TSPAN18: variants seen among roughly 807,000 people sequenced by gnomAD.
TSPAN18 encodes the protein tetraspanin 18.
In TSPAN18, 14 loss-of-function variants were observed where a neutral mutation model predicts 27.3. That is an observed-to-expected ratio of 0.51 (90% confidence interval 0.34 to 0.80). The LOEUF is 0.80. TSPAN18 is among the 30% of genes least tolerant of loss of function. The probability of loss-of-function intolerance (pLI) is 0.01; values close to 1 mark genes in which losing one functional copy is unlikely to be tolerated. For missense variants in TSPAN18, 268 were observed against 323.9 expected, an observed-to-expected ratio of 0.83 and a Z score of 1.32; for synonymous variants, 143 against 136.5, an observed-to-expected ratio of 1.05 and a Z score of -0.33.
rs1411468864 is a variant in TSPAN18, at chr11:44,909,392, C to T, written c.64-313C>T. On this transcript the variant is annotated intron_variant, in intron 4 of 9. Coordinates refer to ENST00000520358, the MANE Select transcript of TSPAN18 (RefSeq NM_130783.5). ...TGGACTAGATGACCTCCTAATCCTA[C>T]AGGTCTGACATTTCAAGAGAAGATA... 4 of 296,390 alleles carry T rather than the reference C, an allele frequency of 1.3e-5. No homozygotes were observed. In the East Asian group the frequency reaches 1.9e-4, roughly 14 times the overall value. 18.4% of individuals were successfully genotyped at this position (296,390 alleles called of 1,614,324 possible).
At chr11:44,763,475 C>CT (rs1003644204) in intron 1 of TSPAN18, among the ~76,000 whole-genome samples, 37 of 152,248 alleles carry the variant, frequency 2.4e-4, no homozygotes, top group South Asian at 8.3e-4. Flanking sequence ...GAACTGAATT[C>CT]TTTTTTTACC....
At chr11:44,861,989 T>C (rs1857903784) in intron 3 of TSPAN18, among the ~76,000 whole-genome samples, 3 of 152,130 alleles carry the variant, frequency 2.0e-5, no homozygotes, top group Admixed American at 6.5e-5. Flanking sequence ...AGACCTCCAC[T>C]CGCCGGGAAG....
At chr11:44,847,850 T>C (rs1481705157) in intron 2 of TSPAN18, among the ~76,000 whole-genome samples, 26 of 151,952 alleles carry the variant, frequency 1.7e-4, no homozygotes, top group Admixed American at 1.2e-3. Context: ...TTTTTTTTTT[T>C]CCCAATGGAG....
Position 44,909,526 on chromosome 11 carries a change from A to G in TSPAN18, c.64-179A>G, listed in dbSNP as rs1259520792. ...AAGGTCACGGCAGCTAGAAAAATTA[A>G]AAGCAATTCAAGGTGCGGCTGGGAC... On this transcript the variant is annotated intron_variant, in intron 4 of 9. Coordinates refer to ENST00000520358, the MANE Select transcript of TSPAN18 (RefSeq NM_130783.5). 20 of 592,616 alleles carry G rather than the reference A, an allele frequency of 3.4e-5. No individual in the cohort carries two copies. The East Asian group carries it at 5.5e-4, about 16-fold the overall frequency. The allele number at this position is 592,616 out of a possible 1,614,324, so 36.7% of individuals were successfully genotyped here.
At chr11:44,831,914 T>C (rs761141747) in intron 2 of TSPAN18, among the ~76,000 whole-genome samples, 1 of 152,080 alleles carries the variant, frequency 6.6e-6, no homozygotes, top group Non-Finnish European at 1.5e-5. Context: ...GGAGCTGAGC[T>C]AAGATCCAGG....
At chr11:44,788,456 C>CTTTTTTTTTTTTT (rs11458938) in intron 2 of TSPAN18, among the ~76,000 whole-genome samples, 7 of 126,780 alleles carry the variant, frequency 5.5e-5, no homozygotes, top group African/African-American at 2.1e-4. Flanking sequence ...CTTTTTTTCT[C>CTTTTTTTTTTTTT]TTTTTTTTTT....
At chr11:44,876,510 T>C (rs1181000256) in intron 3 of TSPAN18, among the ~76,000 whole-genome samples, 5 of 152,242 alleles carry the variant, frequency 3.3e-5, no homozygotes, top group South Asian at 2.1e-4. Flanking sequence ...AGGGAAGGCT[T>C]CATGGCTGAG....
chr11:44,917,945 C>T, intron 5 of TSPAN18, 27 bp from the exon 6 acceptor site: 1 of 1,613,296 alleles, frequency 6.2e-7, no homozygotes, highest in Non-Finnish European at 8.5e-7. Flanking sequence ...GCCCTCTGGG[C>T]TCACAAGGCT....
At chr11:44,863,511 G>T (rs1857951418) in intron 3 of TSPAN18, among the ~76,000 whole-genome samples, 1 of 152,212 alleles carries the variant, frequency 6.6e-6, no homozygotes. Flanking sequence ...GCTGCACAAA[G>T]ACCAAGAGTT....
intron 4 of TSPAN18, among the ~76,000 whole-genome samples, chr11:44,908,678 G>A (rs952667043): frequency 2.6e-5 from 4 of 151,160 alleles, no homozygotes; most frequent in African/African-American, 9.8e-5. Flanking sequence ...AGGCTGCAGT[G>A]AGATGTGATC....
intron 2 of TSPAN18, among the ~76,000 whole-genome samples, chr11:44,821,494 G>C (rs1218912666): frequency 2.6e-5 from 4 of 152,124 alleles, no homozygotes; most frequent in Admixed American, 6.5e-5. Context: ...TTAGTTAAGT[G>C]CATATTAAGG....
At chr11:44,767,217 A>G (rs1414434092) in intron 2 of TSPAN18, among the ~76,000 whole-genome samples, 1 of 152,204 alleles carries the variant, frequency 6.6e-6, no homozygotes, top group African/African-American at 2.4e-5. Flanking sequence ...TGAGCAGTTC[A>G]TCCCAAGCCT....
intron 5 of TSPAN18, among the ~76,000 whole-genome samples, chr11:44,912,885 TG>T (rs1410248627): frequency 6.7e-5 from 2 of 29,788 alleles, no homozygotes; most frequent in Non-Finnish European, 1.2e-4. Context: ...CACATGTGCC[TG>T]TGTGTGCACA....
chr11:44,792,793 C>T lies in TSPAN18; in HGVS notation c.-153+28281C>T, dbSNP rs182778102. 2.1e-3 allele frequency among the ~76,000 whole-genome samples: 315 copies of T among 152,290 alleles called. 1 individual carries two copies. Among genetic ancestry groups the T allele is most frequent in the African/African-American group, 7.4e-3 (307 of 41,548 alleles). ...GGAAGGATGTACTGAACAGAGTGGA[C>T]AAACAGTACCTGCCAAGGCCAAGAG... On this transcript the variant is annotated intron_variant, in intron 2 of 9. Coordinates refer to ENST00000520358, the MANE Select transcript of TSPAN18 (RefSeq NM_130783.5).
chr11:44,796,518 G>A (rs1338304083), intron 2 of TSPAN18, among the ~76,000 whole-genome samples: 2 of 152,118 alleles, frequency 1.3e-5, no homozygotes, highest in Non-Finnish European at 2.9e-5. Flanking sequence ...TTCCAGCTGG[G>A]TTTCTTCTCC....
intron 2 of TSPAN18, among the ~76,000 whole-genome samples, chr11:44,795,477 C>T (rs1478471402): frequency 6.6e-6 from 1 of 152,086 alleles, no homozygotes; most frequent in Non-Finnish European, 1.5e-5. Context: ...TACCTCCACT[C>T]ATCCAAGCAG....
intron 2 of TSPAN18, among the ~76,000 whole-genome samples, chr11:44,791,694 G>T (rs1412091926): frequency 6.6e-6 from 1 of 152,200 alleles, no homozygotes; most frequent in Admixed American, 6.5e-5. Context: ...TGGGAAGAGG[G>T]GATGGGCTCC....
At chr11:44,881,689 T>C (rs1167103913) in intron 3 of TSPAN18, among the ~76,000 whole-genome samples, 3 of 152,110 alleles carry the variant, frequency 2.0e-5, no homozygotes, top group African/African-American at 7.2e-5. Context: ...CTTTATCCTT[T>C]CCAACTGGCA....
At chr11:44,910,000 C>A in intron 5 of TSPAN18, 101 bp downstream of exon 5, 1 of 1,377,250 alleles carries the variant, frequency 7.3e-7, no homozygotes, top group Non-Finnish European at 9.7e-7. Flanking sequence ...CAGACCAGTG[C>A]TTCCCAAACT....
Sources: gnomAD v4.1 joint callset for allele counts (sites outside exome capture counted in the v4.1 genomes callset) on GRCh38, gnomAD v4.1.1 for gene constraint, MANE v1.5 for transcripts, NCBI Gene and HGNC (gene_info 2026-07-23, HGNC 2026-07-21) for gene names.